The following LHFPL2 variants were observed in gnomAD, a reference collection of about 807,000 sequenced individuals.
The protein encoded by LHFPL2 is LHFPL tetraspan subfamily member 2, also known as LHFPL tetraspan subfamily member 2 protein.
LHFPL2 carries 7 observed loss-of-function variants against 17.5 expected under a neutral mutation model. That is an observed-to-expected ratio of 0.40 (90% CI 0.23 to 0.75). The LOEUF (loss-of-function observed/expected upper bound fraction) is 0.75. Ranked by LOEUF, LHFPL2 falls within the 30% of genes least tolerant of loss-of-function variation. The pLI, the probability that LHFPL2 is intolerant of heterozygous loss-of-function variation, is 0.37. For synonymous variants in LHFPL2, 134 were observed against 116.2 expected, an observed-to-expected ratio of 1.15 and a Z score of -0.99; for missense variants, 241 against 294.8, an observed-to-expected ratio of 0.82 and a Z score of 1.34.
chr5:78,495,257 T>G (rs544829985), intron 4 of LHFPL2, among the ~76,000 whole-genome samples: 1 of 152,238 alleles, frequency 6.6e-6, no homozygotes, highest in South Asian at 2.1e-4. Context: ...TAAGGCTCCA[T>G]GGTTATTTCA....
chr5:78,492,131 C>G (rs981006405), intron 4 of LHFPL2, among the ~76,000 whole-genome samples: 1 of 152,184 alleles, frequency 6.6e-6, no homozygotes, highest in Non-Finnish European at 1.5e-5. Flanking sequence ...CTGGTGTACC[C>G]TCCATGGGCC....
rs550221823 is a variant in LHFPL2 at position 78,485,305 on chromosome 5, A to G, written c.*3592T>C. 7 of 152,614 alleles carry G rather than the reference A, an allele frequency of 4.6e-5. No individual in the cohort carries two copies. The highest frequency in any genetic ancestry group is 8.8e-5 in the Non-Finnish European group (6 of 68,020). The allele number at this position is 152,614 out of a possible 1,614,324, so 9.5% of individuals were successfully genotyped here. ...GAAAATACATATGCACAGGAACCAA[A>G]TCAATGCTAGACAATGTATTAGTTT... On this transcript the variant is annotated 3_prime_UTR_variant, in exon 5 of 5. Coordinates refer to ENST00000380345, the MANE Select transcript of LHFPL2 (RefSeq NM_005779.3).
In LHFPL2 at chr5:78,488,841, C is replaced by G; in HGVS notation, c.*56G>C. On this transcript the variant is annotated 3_prime_UTR_variant, in exon 5 of 5. Transcript: ENST00000380345. ...TCTCCACTTGACTCAAATGATGAAA[C>G]TGTGGACTGTTTCACAAGATTACTC... 3 of 1,587,744 alleles carry G rather than the reference C, an allele frequency of 1.9e-6. No homozygotes were observed. In the South Asian group the frequency reaches 3.4e-5, roughly 18 times the overall value.
At chr5:78,496,585 T>A (rs1053764481) in intron 4 of LHFPL2, among the ~76,000 whole-genome samples, 3 of 152,248 alleles carry the variant, frequency 2.0e-5, no homozygotes, top group African/African-American at 2.4e-5. Flanking sequence ...CACAGCTCAC[T>A]ACAGCATAAT....
chr5:78,530,776 T>G (rs994707555), intron 3 of LHFPL2, among the ~76,000 whole-genome samples: 5 of 152,248 alleles, frequency 3.3e-5, no homozygotes, highest in African/African-American at 1.2e-4. Flanking sequence ...AAGATATGAC[T>G]GCCCATTTAT....
At chr5:78,511,689 C>G (rs1755132807) in intron 3 of LHFPL2, among the ~76,000 whole-genome samples, 1 of 152,240 alleles carries the variant, frequency 6.6e-6, no homozygotes, top group African/African-American at 2.4e-5. Context: ...CCCGTTTCTA[C>G]ACCCTGCACC....
chr5:78,619,710 G>T (rs1167786647), intron 2 of LHFPL2, among the ~76,000 whole-genome samples: 1 of 139,408 alleles, frequency 7.2e-6, no homozygotes, highest in Non-Finnish European at 1.5e-5. Context: ...GTCCGTCCAT[G>T]TGTTCTCATT....
At chr5:78,577,942 T>C (rs1757173759) in intron 2 of LHFPL2, among the ~76,000 whole-genome samples, 2 of 152,188 alleles carry the variant, frequency 1.3e-5, no homozygotes, top group African/African-American at 4.8e-5. Context: ...AATTTTTCAA[T>C]GAAACTCGAA....
At chr5:78,496,863 AG>A (rs777958527) in intron 4 of LHFPL2, among the ~76,000 whole-genome samples, 1 of 152,142 alleles carries the variant, frequency 6.6e-6, no homozygotes, top group East Asian at 1.9e-4. Context: ...AAGGGTGCCC[AG>A]GGCTCACTCC....
chr5:78,604,243 C>T (rs1304471971), intron 2 of LHFPL2, among the ~76,000 whole-genome samples: 4 of 152,050 alleles, frequency 2.6e-5, no homozygotes, highest in African/African-American at 9.7e-5. Context: ...TTTGGGAGGC[C>T]GAGGCAGGCG....
At position 78,584,993 on chromosome 5, in the gene LHFPL2, G is replaced by GTTT. The variant is rs1561352310; in HGVS notation, c.-244-20123_-244-20122insAAA. Reference sequence around the variant, plus strand: ...GCGGGATATAATCTCCTGGTGCGCTGTGTTTTTTTTTTTTTTTTTTTTTTT... The same window carrying GTTT: ...GCGGGATATAATCTCCTGGTGCGCTGTTTTGTTTTTTTTTTTTTTTTTTTTTTT... On this transcript the variant is annotated intron_variant, in intron 2 of 4. Coordinates refer to ENST00000380345, the MANE Select transcript of LHFPL2 (RefSeq NM_005779.3). Among the ~76,000 whole-genome samples the GTTT allele has an allele frequency of 1.3e-4, 11 of 84,756 alleles. 1 individual carries two copies. Among genetic ancestry groups the GTTT allele is most frequent in the African/African-American group, 5.5e-4 (11 of 20,150 alleles). 55.6% of individuals were successfully genotyped at this position (84,756 alleles called of 152,430 possible).
At chr5:78,574,818 G>T (rs1345618816) in intron 2 of LHFPL2, among the ~76,000 whole-genome samples, 1 of 152,222 alleles carries the variant, frequency 6.6e-6, no homozygotes, top group Admixed American at 6.5e-5. Flanking sequence ...CTTACATGAA[G>T]TGAAGGCTAT....
intron 2 of LHFPL2, among the ~76,000 whole-genome samples, chr5:78,581,492 T>C (rs922077846): frequency 3.3e-5 from 5 of 152,218 alleles, no homozygotes; most frequent in African/African-American, 1.2e-4. Flanking sequence ...TTGAGAGTTT[T>C]TAGCATGAAG....
chr5:78,557,337 G>A (rs950219710), intron 3 of LHFPL2, among the ~76,000 whole-genome samples: 14 of 152,136 alleles, frequency 9.2e-5, no homozygotes, highest in Admixed American at 7.9e-4. Context: ...ACCTGATGTG[G>A]GACATAATGG....
intron 4 of LHFPL2, among the ~76,000 whole-genome samples, chr5:78,508,205 T>A (rs1253796724): frequency 1.3e-5 from 2 of 152,152 alleles, no homozygotes; most frequent in African/African-American, 4.8e-5. Context: ...AATCTCCCTA[T>A]TTTTCAGAAG....
intron 3 of LHFPL2, among the ~76,000 whole-genome samples, chr5:78,556,593 A>G (rs1264740417): frequency 6.6e-6 from 1 of 152,242 alleles, no homozygotes; most frequent in Non-Finnish European, 1.5e-5. Context: ...CAAGGTTGAT[A>G]TTTAATGGTT....
chr5:78,617,002 A>G (rs1744640790), intron 2 of LHFPL2, among the ~76,000 whole-genome samples: 1 of 152,126 alleles, frequency 6.6e-6, no homozygotes, highest in Non-Finnish European at 1.5e-5. Flanking sequence ...AATGACAGTA[A>G]TTATGACACT....
chr5:78,602,936 G>A (rs1744072100), intron 2 of LHFPL2, among the ~76,000 whole-genome samples: 1 of 151,960 alleles, frequency 6.6e-6, no homozygotes, highest in Admixed American at 6.6e-5. Flanking sequence ...CTGTCACCAG[G>A]CTAGAGTGCA....
chr5:78,617,823 T>C (rs1744672666), intron 2 of LHFPL2, among the ~76,000 whole-genome samples: 1 of 152,182 alleles, frequency 6.6e-6, no homozygotes, highest in Admixed American at 6.5e-5. Context: ...ATTAAAATAT[T>C]TGTTAATAGT....
Sources: gnomAD v4.1 joint callset for allele counts (sites outside exome capture counted in the v4.1 genomes callset) on GRCh38, gnomAD v4.1.1 for gene constraint, MANE v1.5 for transcripts, NCBI Gene and HGNC (gene_info 2026-07-23, HGNC 2026-07-21) for gene names.